MAMDC2: variants seen among roughly 807,000 people sequenced by gnomAD.
MAMDC2 encodes MAM domain containing 2.
Under a neutral mutation model 89.8 loss-of-function variants are expected in MAMDC2, and 57 were observed. The observed-to-expected ratio is 0.63, with a 90% CI of 0.51 to 0.79. MAMDC2 has a LOEUF of 0.79. MAMDC2 is among the 30% of genes least tolerant of loss of function. MAMDC2 has a pLI of 0.00. For missense variants in MAMDC2, 800 were observed against 820.6 expected (o/e 0.97, Z 0.31); for synonymous variants, 313 against 293.4 (o/e 1.07, Z -0.68).
At chr9:70,216,223 T>C (rs2033442784) in intron 11 of MAMDC2, 1 of 152,206 alleles carries the variant, frequency 6.6e-6, no homozygotes, top group African/African-American at 2.4e-5. Flanking sequence ...CAAATGTTGG[T>C]GTTTGCTTGG....
chr9:70,131,569 GGAT>G lies in MAMDC2; in HGVS notation c.955_957del (p.Asp319del). The G allele has an allele frequency of 6.2e-7, 1 of 1,609,500 alleles. No individual in the cohort carries two copies. The highest frequency in any genetic ancestry group is 8.5e-7 in the Non-Finnish European group (1 of 1,178,948). ...GTCCCAAGGGAGGTTATGTTGCCCT[GGAT>G]GATATTTCATTCTCTCCTGTTCACT... On this transcript the variant is annotated inframe_deletion, in exon 7 of 14. Coordinates refer to ENST00000377182, the MANE Select transcript of MAMDC2 (RefSeq NM_153267.5).
At chr9:70,106,492 C>T (rs1428647207) in intron 2 of MAMDC2, among the ~76,000 whole-genome samples, 1 of 152,124 alleles carries the variant, frequency 6.6e-6, no homozygotes, top group Non-Finnish European at 1.5e-5. Flanking sequence ...ATACATTCCT[C>T]ATGCCACAAG....
chr9:70,159,736 G>C (rs1364087760), intron 9 of MAMDC2, among the ~76,000 whole-genome samples: 1 of 152,192 alleles, frequency 6.6e-6, no homozygotes. Context: ...CAATTATAAT[G>C]CCTGTCCTTG....
At chr9:70,161,682 T>C (rs1420617027) in intron 9 of MAMDC2, among the ~76,000 whole-genome samples, 1 of 152,208 alleles carries the variant, frequency 6.6e-6, no homozygotes, top group Non-Finnish European at 1.5e-5. Flanking sequence ...ATCTCAATAT[T>C]GAAATTTTTT....
At chr9:70,068,149 T>A (rs1000060172) in intron 2 of MAMDC2, among the ~76,000 whole-genome samples, 3 of 152,198 alleles carry the variant, frequency 2.0e-5, no homozygotes, top group African/African-American at 7.2e-5. Context: ...GGTTTTGACA[T>A]CTCAAAAGTA....
chr9:70,192,387 A>G (rs1370291736), intron 11 of MAMDC2, among the ~76,000 whole-genome samples: 1 of 152,094 alleles, frequency 6.6e-6, no homozygotes, highest in African/African-American at 2.4e-5. Context: ...CTGCACTGCA[A>G]GCCAACCAGT....
intron 7 of MAMDC2, among the ~76,000 whole-genome samples, chr9:70,134,165 A>C (rs969042768): frequency 6.6e-6 from 1 of 152,032 alleles, no homozygotes; most frequent in South Asian, 2.1e-4. Context: ...TCATATCAAC[A>C]TACACAGCAT....
chr9:70,070,846 C>A (rs1046418908), intron 2 of MAMDC2, among the ~76,000 whole-genome samples: 2 of 152,086 alleles, frequency 1.3e-5, no homozygotes, highest in African/African-American at 2.4e-5. Context: ...TTTCTACAGT[C>A]AATTTTTTCC....
chr9:70,086,535 G>A (rs1827774225), intron 2 of MAMDC2: 2 of 152,156 alleles, frequency 1.3e-5, no homozygotes, highest in African/African-American at 4.8e-5. Context: ...GGCATTTAAG[G>A]CAGAGCTAAT....
Position 70,225,765 on chromosome 9 carries a change from A to T in MAMDC2, c.1927A>T (p.Ile643Phe), listed in dbSNP as rs766722147. The T allele has an allele frequency of 1.2e-6, 2 of 1,603,086 alleles. No homozygotes were observed. Among genetic ancestry groups the T allele is most frequent in the South Asian group, 2.2e-5 (2 of 90,786 alleles). ...ERQHQIIFEA[I>F]RGVSIRSDIA... ...ATTCTTTCAGATAATTTTTGAAGCC[A>T]TTCGAGGAGTATCAATAAGAAGTGA... Residue 643 changes from isoleucine to phenylalanine, a missense_variant, in exon 13 of 14, where the codon ATT becomes TTT. Coordinates refer to ENST00000377182, the MANE Select transcript of MAMDC2 (RefSeq NM_153267.5).
At position 70,226,500 on chromosome 9, in the gene MAMDC2, C is replaced by G. The variant is rs1476534528; in HGVS notation, c.*468C>G. 1 of 152,458 alleles carries G rather than the reference C, an allele frequency of 6.6e-6. No individual in the cohort carries two copies. Among genetic ancestry groups the G allele is most frequent in the Non-Finnish European group, 1.5e-5 (1 of 67,990 alleles). 9.4% of individuals were successfully genotyped at this position (152,458 alleles called of 1,614,324 possible). A position where few individuals can be genotyped will look rare whatever the true frequency, so the allele number is the denominator to read the frequency against. The stretch of plus-strand genomic sequence containing the variant: ...TGCAGAATGAATGCAGTCTTTCATG[C>G]TAATGAGTTAGTCTGGAAAAATAAA... On this transcript the variant is annotated 3_prime_UTR_variant, in exon 14 of 14. Coordinates refer to ENST00000377182, the MANE Select transcript of MAMDC2 (RefSeq NM_153267.5).
intron 9 of MAMDC2, 191 bp from the exon 10 acceptor site, chr9:70,168,510 TA>T (rs2032235427): frequency 9.5e-6 from 5 of 527,516 alleles, no homozygotes; most frequent in Non-Finnish European, 1.7e-5. Context: ...ACAATAATAA[TA>T]AAAGTAATTC....
intron 2 of MAMDC2, among the ~76,000 whole-genome samples, chr9:70,079,048 C>T (rs1827598072): frequency 6.6e-6 from 1 of 152,134 alleles, no homozygotes; most frequent in African/African-American, 2.4e-5. Flanking sequence ...TCAGGGTTAG[C>T]ACAGAGGGAG....
intron 11 of MAMDC2, among the ~76,000 whole-genome samples, chr9:70,177,031 A>G (rs938230439): frequency 2.6e-5 from 4 of 152,214 alleles, no homozygotes; most frequent in African/African-American, 7.2e-5. Flanking sequence ...ACAATGACCA[A>G]TAATAGAATA....
intron 2 of MAMDC2, among the ~76,000 whole-genome samples, chr9:70,071,309 C>T (rs1210268695): frequency 1.3e-5 from 2 of 152,158 alleles, no homozygotes; most frequent in Non-Finnish European, 2.9e-5. Context: ...ATTGAAGAGT[C>T]TGTGCTACAG....
At position 70,126,273 on chromosome 9, in the gene MAMDC2, T is replaced by A; in HGVS notation, c.758T>A (p.Ile253Asn). 6.2e-7 allele frequency: 1 copy of A among 1,614,190 alleles called. No homozygotes were observed. Among genetic ancestry groups the A allele is most frequent in the Non-Finnish European group, 8.5e-7 (1 of 1,180,024 alleles). ...GGCTGCCTGTCATTTTATTACCAGA[T>A]CCAGCAGGGGAATGACAATGTCTTT... ...MAGCLSFYYQIQQGNDNVFSL... is the reference protein window; with the variant it reads ...MAGCLSFYYQNQQGNDNVFSL... Residue 253 changes from isoleucine to asparagine, a missense_variant, in exon 6 of 14, where the codon ATC becomes AAC. By Grantham distance (149) the Ile-to-Asn change is moderately radical. Transcript: ENST00000377182.
At chr9:70,184,647 ATTC>A (rs1367821142) in intron 11 of MAMDC2, among the ~76,000 whole-genome samples, 1 of 151,462 alleles carries the variant, frequency 6.6e-6, no homozygotes, top group Non-Finnish European at 1.5e-5. Context: ...AATTTCTGAT[ATTC>A]TTTCTTCTGC....
chr9:70,187,954 A>G (rs1250564602), intron 11 of MAMDC2, among the ~76,000 whole-genome samples: 1 of 152,204 alleles, frequency 6.6e-6, no homozygotes, highest in Non-Finnish European at 1.5e-5. Context: ...CTATTTAATA[A>G]TTGCCAGACT....
intron 2 of MAMDC2, among the ~76,000 whole-genome samples, chr9:70,048,145 T>C (rs1218126013): frequency 6.6e-6 from 1 of 152,210 alleles, no homozygotes; most frequent in Non-Finnish European, 1.5e-5. Flanking sequence ...TCTCCCTCTA[T>C]TCTTTTTGTA....
Sources: allele counts gnomAD v4.1 joint callset (sites outside exome capture counted in the v4.1 genomes callset), GRCh38; gene constraint gnomAD v4.1.1; transcripts MANE v1.5; gene names NCBI Gene and HGNC (gene_info 2026-07-23, HGNC 2026-07-21).